The following TCOF1 variants were observed in gnomAD, a reference collection of about 807,000 sequenced individuals.
TCOF1 encodes the protein treacle protein.
Under a neutral mutation model 149.0 loss-of-function variants are expected in TCOF1, and 33 were observed. That is an observed-to-expected ratio of 0.22 (90% CI 0.17 to 0.30). TCOF1 has a LOEUF of 0.30. TCOF1 is among the 10% of genes least tolerant of loss of function. The probability of loss-of-function intolerance (pLI) is 1.00; values close to 1 mark genes in which losing one functional copy is unlikely to be tolerated. For missense variants in TCOF1, 1,728 were observed against 1,840.7 expected (o/e 0.94, Z 1.12); for synonymous variants, 789 against 738.8 (o/e 1.07, Z -1.10).
intron 3 of TCOF1, 133 bp downstream of exon 3, chr5:150,364,385 A>G: frequency 1.5e-6 from 2 of 1,339,360 alleles, no homozygotes; most frequent in South Asian, 2.7e-5. Context: ...GGCACCACAT[A>G]TCTTTGGCAG....
chr5:150,375,982 G>GC (rs1763703451), intron 12 of TCOF1, 73 bp downstream of exon 12: 1 of 1,613,764 alleles, frequency 6.2e-7, no homozygotes, highest in African/African-American at 1.3e-5. Flanking sequence ...GGGGAGCTGT[G>GC]CTCCCTCAGG....
chr5:150,379,114 C>T lies in TCOF1; in HGVS notation c.2478+72C>T. Reference sequence around the variant, plus strand: ...GAGGAGGACCAGTCACTGAGCCCAGCCAGGAGAAGGTGCGTGCATGGGCAG... The same window carrying T: ...GAGGAGGACCAGTCACTGAGCCCAGTCAGGAGAAGGTGCGTGCATGGGCAG... On this transcript the variant is annotated intron_variant, in intron 15 of 26. Coordinates refer to ENST00000643257, the MANE Select transcript of TCOF1 (RefSeq NM_001371623.1). The T allele has an allele frequency of 2.5e-6, 4 of 1,613,724 alleles. No individual in the cohort carries two copies. The South Asian group carries it at 3.3e-5, about 13-fold the overall frequency.
intron 16 of TCOF1, 38 bp downstream of exon 16, chr5:150,379,446 A>C (rs751103259): frequency 6.2e-7 from 1 of 1,613,990 alleles, no homozygotes; most frequent in Non-Finnish European, 8.5e-7. Flanking sequence ...CCTACATGGG[A>C]TGTAACACCT....
At chr5:150,365,215 A>G (rs894274410) in intron 3 of TCOF1, among the ~76,000 whole-genome samples, 1 of 147,614 alleles carries the variant, frequency 6.8e-6, no homozygotes, top group Admixed American at 6.8e-5. Context: ...GGCATGCACC[A>G]CTACTGTCAG....
rs779693329 is a variant in TCOF1 at position 150,396,760 on chromosome 5, G to A, written c.4263G>A (p.Glu1421=). The change falls in exon 24 of 27, where the codon GAG becomes GAA. Residue 1421 remains glutamate, a synonymous_variant. Coordinates refer to ENST00000643257, the MANE Select transcript of TCOF1 (RefSeq NM_001371623.1). The stretch of plus-strand genomic sequence containing the variant: ...GGGCCAAGGACGAGCCAGAAGAGGA[G>A]CTTCAGAAGGGGATGGGGACGGTTG... ...SQGAKDEPEE[E]LQKGMGTVEG... 1.9e-6 allele frequency: 3 copies of A among 1,612,218 alleles called. No homozygotes were observed. The highest frequency in any genetic ancestry group is 1.3e-5 in the African/African-American group (1 of 74,868).
At chr5:150,384,025 T>A in intron 17 of TCOF1, 1 of 1,373,250 alleles carries the variant, frequency 7.3e-7, no homozygotes, top group Non-Finnish European at 9.4e-7. Flanking sequence ...GCCAGGCACC[T>A]CAGAGCACCA....
chr5:150,357,760 G>T lies in TCOF1; in HGVS notation c.14G>T (p.Arg5Met). The T allele has an allele frequency of 6.5e-7, 1 of 1,549,462 alleles. No homozygotes were observed. Among genetic ancestry groups the T allele is most frequent in the Non-Finnish European group, 8.7e-7 (1 of 1,146,542 alleles). MAEA[R>M]KRRELLPLIY... ...GGGGTCGCGGGTATGGCCGAGGCCA[G>T]GAAGCGGCGGGAGCTACTTCCCCTG... Residue 5 changes from arginine to methionine, a missense_variant, in exon 1 of 27, where the codon AGG (arginine) becomes ATG (methionine). Physicochemically the swap from Arg to Met is moderately conservative, Grantham distance 91 (BLOSUM62 -1). Coordinates refer to ENST00000643257, the MANE Select transcript of TCOF1 (RefSeq NM_001371623.1).
rs1768557887 is a variant in TCOF1 at position 150,396,548 on chromosome 5, T to C, written c.4051T>C (p.Ser1351Pro). 6 of 1,593,960 alleles carry C rather than the reference T, an allele frequency of 3.8e-6. No homozygotes were observed. Among genetic ancestry groups the C allele is most frequent in the Non-Finnish European group, 5.1e-6 (6 of 1,170,430 alleles). Reference sequence around the variant, plus strand: ...CTGGGAGAGCCGCAAGCGGAAGCTATCGGGAGACCAGCCAGCTGCCAGGAC... The same window carrying C: ...CTGGGAGAGCCGCAAGCGGAAGCTACCGGGAGACCAGCCAGCTGCCAGGAC... ...KGWESRKRKL[S>P]GDQPAARTPR... The change falls in exon 24 of 27, where the codon TCG (serine) becomes CCG (proline). Residue 1351 changes from serine (S) to proline (P), a missense_variant. Coordinates refer to ENST00000643257, the MANE Select transcript of TCOF1 (RefSeq NM_001371623.1).
intron 1 of TCOF1, among the ~76,000 whole-genome samples, chr5:150,359,120 G>T (rs1759395364): frequency 6.6e-6 from 1 of 152,176 alleles, no homozygotes; most frequent in Non-Finnish European, 1.5e-5. Context: ...GCCGAGGCAG[G>T]CGGATCACTT....
intron 16 of TCOF1, 26 bp from the exon 17 acceptor site, chr5:150,379,506 T>G (rs1204732083): frequency 7.2e-7 from 1 of 1,379,498 alleles, no homozygotes; most frequent in South Asian, 1.3e-5. Flanking sequence ...CCAGGCTCTC[T>G]CCTCTCATCC....
intron 17 of TCOF1, chr5:150,384,956 C>T (rs759429982): frequency 7.3e-5 from 72 of 985,278 alleles, no homozygotes; most frequent in Non-Finnish European, 8.7e-5. Flanking sequence ...GGGATAGATA[C>T]CTTGGCTCCA....
chr5:150,396,778 G>T lies in TCOF1; in HGVS notation c.4281G>T (p.Gly1427=). The change falls in exon 24 of 27, where the codon GGG becomes GGT. Residue 1427 remains glycine (G), a synonymous_variant. Transcript: ENST00000643257. The part of the protein sequence containing the change: ...EPEEELQKGM[G]TVEGGDQSNP... Reference sequence around the variant, plus strand: ...AAGAGGAGCTTCAGAAGGGGATGGGGACGGTTGAAGGTGGAGATCAAAGCA... The same window carrying T: ...AAGAGGAGCTTCAGAAGGGGATGGGTACGGTTGAAGGTGGAGATCAAAGCA... 1 of 1,611,734 alleles carries T rather than the reference G, an allele frequency of 6.2e-7. No homozygotes were observed. Among genetic ancestry groups the T allele is most frequent in the Non-Finnish European group, 8.5e-7 (1 of 1,179,360 alleles).
intron 17 of TCOF1, among the ~76,000 whole-genome samples, chr5:150,381,367 G>A (rs756989522): frequency 3.3e-5 from 5 of 152,230 alleles, no homozygotes; most frequent in African/African-American, 7.2e-5. Context: ...CAGTCTGTGG[G>A]GCAAGACAGG....
chr5:150,399,402 G>C (rs530757932), intron 26 of TCOF1, among the ~76,000 whole-genome samples: 1 of 152,108 alleles, frequency 6.6e-6, no homozygotes, highest in African/African-American at 2.4e-5. Flanking sequence ...ACTTGTGAGC[G>C]GTTCATTTTC....
chr5:150,396,971 A>G (rs1209557700), intron 24 of TCOF1, 129 bp downstream of exon 24: 5 of 1,098,472 alleles, frequency 4.6e-6, no homozygotes, highest in African/African-American at 1.6e-5. Flanking sequence ...CAGCCTGGCC[A>G]ACATGGCAAA....
chr5:150,392,298 G>A, intron 21 of TCOF1, 122 bp downstream of exon 21: 1 of 1,000,144 alleles, frequency 1.0e-6, no homozygotes, highest in Non-Finnish European at 1.5e-6. Context: ...GGCTGAGCCT[G>A]GGCCTCAGTT....
At chr5:150,368,971 C>T in intron 5 of TCOF1, 69 bp downstream of exon 5, 15 of 1,580,246 alleles carry the variant, frequency 9.5e-6, no homozygotes, top group Non-Finnish European at 1.3e-5. Flanking sequence ...CTAGGCATTG[C>T]TTTAAGTTCT....
chr5:150,393,834 A>G, intron 23 of TCOF1: 1 of 464,224 alleles, frequency 2.2e-6, no homozygotes, highest in Non-Finnish European at 4.0e-6. Context: ...GGCAACACAG[A>G]GAGACCCCAT....
chr5:150,392,484 A>G, intron 21 of TCOF1: 1 of 611,358 alleles, frequency 1.6e-6, no homozygotes, highest in Non-Finnish European at 2.9e-6. Context: ...GGCCTCAGGA[A>G]TTAGAAATAA....
Sources: allele counts gnomAD v4.1 joint callset (sites outside exome capture counted in the v4.1 genomes callset), GRCh38; gene constraint gnomAD v4.1.1; transcripts MANE v1.5; gene names NCBI Gene and HGNC (gene_info 2026-07-23, HGNC 2026-07-21).